Variants in CAMK4 observed in about 807,000 individuals in gnomAD.
CAMK4 encodes the protein calcium/calmodulin-dependent protein kinase type IV.
A neutral mutation model predicts 44.9 loss-of-function variants in CAMK4; 22 were observed. That is an observed-to-expected ratio of 0.49 (90% CI 0.35 to 0.70). The LOEUF (loss-of-function observed/expected upper bound fraction) is 0.70. Ranked by LOEUF, CAMK4 falls within the 30% of genes least tolerant of loss-of-function variation. The pLI is 0.01. For missense variants in CAMK4, 498 were observed against 586.8 expected (o/e 0.85, Z 1.56); for synonymous variants, 218 against 215.4 (o/e 1.01, Z -0.11).
chr5:111,270,818 G>A (rs1750479234), intron 1 of CAMK4, among the ~76,000 whole-genome samples: 3 of 152,116 alleles, frequency 2.0e-5, no homozygotes, highest in Admixed American at 2.0e-4. Flanking sequence ...AATATTTGCC[G>A]AATGAGTGTA....
chr5:111,316,754 T>G (rs535224648), intron 1 of CAMK4, among the ~76,000 whole-genome samples: 20 of 152,310 alleles, frequency 1.3e-4, no homozygotes, highest in Admixed American at 3.9e-4. Flanking sequence ...CTGGCATTGA[T>G]AAATCACCAG....
chr5:111,418,418 T>C (rs1298924004), intron 5 of CAMK4, among the ~76,000 whole-genome samples: 1 of 149,934 alleles, frequency 6.7e-6, no homozygotes, highest in East Asian at 1.9e-4. Flanking sequence ...ACCATTGTCA[T>C]TGATAACTTC....
chr5:111,353,080 A>G (rs1164223337), intron 2 of CAMK4, among the ~76,000 whole-genome samples: 1 of 152,062 alleles, frequency 6.6e-6, no homozygotes, highest in Admixed American at 6.6e-5. Context: ...GTTGGAGGTA[A>G]TGCACAGAGT....
intron 3 of CAMK4, among the ~76,000 whole-genome samples, chr5:111,376,562 A>G (rs1417892759): frequency 6.6e-6 from 1 of 152,134 alleles, no homozygotes; most frequent in African/African-American, 2.4e-5. Flanking sequence ...TGAACAATTC[A>G]GAAGTTGGGA....
intron 1 of CAMK4, among the ~76,000 whole-genome samples, chr5:111,334,939 C>T (rs1389295683): frequency 3.3e-5 from 5 of 151,312 alleles, no homozygotes; most frequent in African/African-American, 1.2e-4. Flanking sequence ...TCTCAAGATA[C>T]CTCCCATTTA....
chr5:111,429,918 A>C (rs1225406600), intron 5 of CAMK4, among the ~76,000 whole-genome samples: 1 of 19,782 alleles, frequency 5.1e-5, no homozygotes, highest in Non-Finnish European at 1.2e-4. Flanking sequence ...AAACTATTCC[A>C]AAAAAAAAAA....
At chr5:111,277,333 G>A (rs1228624998) in intron 1 of CAMK4, among the ~76,000 whole-genome samples, 1 of 152,118 alleles carries the variant, frequency 6.6e-6, no homozygotes, top group African/African-American at 2.4e-5. Context: ...AATATCCATT[G>A]AATTAAACAG....
At chr5:111,434,310 A>AC (rs1250795278) in intron 5 of CAMK4, among the ~76,000 whole-genome samples, 1 of 148,722 alleles carries the variant, frequency 6.7e-6, no homozygotes, top group African/African-American at 2.5e-5. Flanking sequence ...AAAAAAAAAT[A>AC]GAGCCACTAG....
intron 5 of CAMK4, among the ~76,000 whole-genome samples, chr5:111,420,704 G>A (rs1580729276): frequency 1.3e-5 from 2 of 152,194 alleles, no homozygotes; most frequent in Non-Finnish European, 1.5e-5. Context: ...TCCCAGGGAT[G>A]TTCCTTGCTG....
chr5:111,233,939 C>G (rs1019718985), intron 1 of CAMK4, among the ~76,000 whole-genome samples: 1 of 152,006 alleles, frequency 6.6e-6, no homozygotes, highest in African/African-American at 2.4e-5. Context: ...CAATGAGGTG[C>G]TAGAAGAAAG....
rs376688826 is a variant in CAMK4 at position 111,436,953 on chromosome 5, A to G, written c.460-9733A>G. On this transcript the variant is annotated intron_variant, in intron 5 of 10. Coordinates refer to ENST00000282356, the MANE Select transcript of CAMK4 (RefSeq NM_001744.6). ...CTATAACTACCAACATAATGCTACT[A>G]TAGAACAAAAATGAATTAGGTAATG... Among the ~76,000 whole-genome samples the G allele has an allele frequency of 2.3e-4, 35 of 152,350 alleles. No individual in the cohort carries two copies. In the South Asian group the frequency reaches 6.0e-3, roughly 26 times the overall value.
intron 2 of CAMK4, among the ~76,000 whole-genome samples, chr5:111,369,981 G>C (rs892863540): frequency 6.6e-6 from 1 of 152,082 alleles, no homozygotes; most frequent in Non-Finnish European, 1.5e-5. Flanking sequence ...AGGGCTGACT[G>C]TATGTGGAAA....
At chr5:111,229,050 A>C (rs1047443370) in intron 1 of CAMK4, among the ~76,000 whole-genome samples, 2 of 152,212 alleles carry the variant, frequency 1.3e-5, no homozygotes, top group Non-Finnish European at 2.9e-5. Flanking sequence ...ACAGTGAGCA[A>C]ATGCTTTCTA....
intron 7 of CAMK4, among the ~76,000 whole-genome samples, chr5:111,458,289 T>C (rs193079954): frequency 6.6e-6 from 1 of 152,320 alleles, no homozygotes; most frequent in African/African-American, 2.4e-5. Context: ...TTCTTGATCA[T>C]GGAGAGGAAA....
At chr5:111,439,514 G>A (rs927061012) in intron 5 of CAMK4, among the ~76,000 whole-genome samples, 18 of 152,168 alleles carry the variant, frequency 1.2e-4, no homozygotes, top group African/African-American at 4.1e-4. Context: ...CAATTGGATC[G>A]TATCATTTGT....
intron 1 of CAMK4, among the ~76,000 whole-genome samples, chr5:111,245,319 G>C (rs1449036652): frequency 6.6e-6 from 1 of 152,066 alleles, no homozygotes; most frequent in East Asian, 1.9e-4. Context: ...GTCAAGTAAA[G>C]CTTTAAGTTT....
intron 5 of CAMK4, 58 bp downstream of exon 5, chr5:111,394,840 T>C: frequency 9.3e-7 from 1 of 1,080,784 alleles, no homozygotes; most frequent in Non-Finnish European, 1.4e-6. Flanking sequence ...TTTTACAGAA[T>C]CATCATTTAA....
intron 1 of CAMK4, chr5:111,277,419 G>A (rs147456329): frequency 6.6e-6 from 1 of 152,322 alleles, no homozygotes; most frequent in Non-Finnish European, 1.5e-5. Flanking sequence ...CTGATTTTCT[G>A]GGATTAAAAG....
intron 1 of CAMK4, among the ~76,000 whole-genome samples, chr5:111,315,367 T>C (rs1000507542): frequency 1.1e-4 from 17 of 152,166 alleles, no homozygotes; most frequent in Admixed American, 1.0e-3. Context: ...TTTGAAATAC[T>C]AACATTGTAG....
Sources: gnomAD v4.1 joint callset for allele counts (sites outside exome capture counted in the v4.1 genomes callset) on GRCh38, gnomAD v4.1.1 for gene constraint, MANE v1.5 for transcripts, NCBI Gene and HGNC (gene_info 2026-07-23, HGNC 2026-07-21) for gene names.